FGD5: variants seen among roughly 807,000 people sequenced by gnomAD.
FGD5 encodes the protein FYVE, RhoGEF and PH domain-containing protein 5.
FGD5 carries 28 observed loss-of-function variants against 133.4 expected under a neutral mutation model. The observed-to-expected ratio is 0.21, with a 90% CI of 0.16 to 0.29. The LOEUF (loss-of-function observed/expected upper bound fraction) is 0.29, where lower values mean the gene tolerates loss of function less well. FGD5 is among the 10% of genes least tolerant of loss of function. The probability of loss-of-function intolerance (pLI) is 1.00; values close to 1 mark genes in which losing one functional copy is unlikely to be tolerated. For missense variants in FGD5, 1,858 were observed against 1,895.2 expected, an observed-to-expected ratio of 0.98 and a Z score of 0.36; for synonymous variants, 810 against 776.5, an observed-to-expected ratio of 1.04 and a Z score of -0.72.
At chr3:14,869,594 C>A (rs918880014) in intron 2 of FGD5, among the ~76,000 whole-genome samples, 3 of 152,178 alleles carry the variant, frequency 2.0e-5, no homozygotes, top group Admixed American at 6.5e-5. Context: ...ACACTGACTC[C>A]CCATTCCTCC....
chr3:14,825,880 A>T (rs1362772835), intron 1 of FGD5, among the ~76,000 whole-genome samples: 1 of 152,212 alleles, frequency 6.6e-6, no homozygotes, highest in Non-Finnish European at 1.5e-5. Context: ...AAGCTTAATA[A>T]ATGTATACTG....
At chr3:14,893,593 C>T (rs1470921501) in intron 4 of FGD5, among the ~76,000 whole-genome samples, 7 of 152,110 alleles carry the variant, frequency 4.6e-5, no homozygotes, top group Non-Finnish European at 8.8e-5. Context: ...AGTAGTCCTC[C>T]GGCCTTGGCT....
chr3:14,843,997 CA>C (rs1292241959), intron 1 of FGD5, among the ~76,000 whole-genome samples: 2 of 150,082 alleles, frequency 1.3e-5, no homozygotes, highest in African/African-American at 4.9e-5. Flanking sequence ...GCCCAGCTCC[CA>C]GGGCGCTTTT....
At chr3:14,841,753 T>TG (rs940710103) in intron 1 of FGD5, among the ~76,000 whole-genome samples, 3 of 151,990 alleles carry the variant, frequency 2.0e-5, no homozygotes, top group Non-Finnish European at 2.9e-5. Context: ...ACAGTGTGAG[T>TG]GGGGGGTTCC....
chr3:14,811,842 C>T (rs760240141), intron 1 of FGD5, among the ~76,000 whole-genome samples: 60 of 152,128 alleles, frequency 3.9e-4, no homozygotes, highest in Non-Finnish European at 6.8e-4. Context: ...ATCTGCCTGC[C>T]AAGGAGCAAT....
chr3:14,932,302 C>G (rs1051067912), intron 18 of FGD5: 1 of 283,490 alleles, frequency 3.5e-6, no homozygotes. Context: ...AGGCTGGTCT[C>G]GAACTCCTGA....
chr3:14,812,054 GA>G (rs2036304115), intron 1 of FGD5, among the ~76,000 whole-genome samples: 1 of 143,650 alleles, frequency 7.0e-6, no homozygotes, highest in Non-Finnish European at 1.5e-5. Flanking sequence ...GTGTGTGTAG[GA>G]TTTTTTCTTT....
intron 2 of FGD5, among the ~76,000 whole-genome samples, chr3:14,878,555 A>C (rs6809979): frequency 0.57 from 86,766 of 151,964 alleles, 25,223 homozygotes; most frequent in African/African-American, 0.64. Context: ...CAAGTGTGAG[A>C]GATTCTCTAT....
intron 1 of FGD5, among the ~76,000 whole-genome samples, chr3:14,844,251 TATATATATATATATATATATA>T (rs2036997711): frequency 1.7e-5 from 1 of 58,954 alleles, no homozygotes; most frequent in African/African-American, 7.6e-5. Flanking sequence ...TATATATATA[TATATATATATATATATATATA>T]ATGCAGGTTT....
At chr3:14,854,298 C>T (rs987675982) in intron 1 of FGD5, among the ~76,000 whole-genome samples, 17 of 152,180 alleles carry the variant, frequency 1.1e-4, no homozygotes, top group African/African-American at 4.1e-4. Context: ...GACCATAGTA[C>T]TCCTGTAATG....
chr3:14,896,140 C>T (rs2038133217), intron 4 of FGD5, among the ~76,000 whole-genome samples: 2 of 152,140 alleles, frequency 1.3e-5, no homozygotes, highest in South Asian at 4.1e-4. Context: ...GAAGAGGACA[C>T]AGACAAAAAT....
chr3:14,820,889 C>T lies in FGD5; in HGVS notation c.1818C>T (p.Thr606=), dbSNP rs376310639. The T allele has an allele frequency of 1.9e-6, 3 of 1,613,790 alleles. No individual in the cohort carries two copies. Among genetic ancestry groups the T allele is most frequent in the Non-Finnish European group, 2.5e-6 (3 of 1,179,854 alleles). ...GAAACCACCTTCCGTCCAGCGGCAC[C>T]TCCACGCCTTCTTCCATGGTCGACA... The part of the protein sequence containing the change: ...SQRNHLPSSG[T]STPSSMVDIP... The change falls in exon 1 of 20, where the codon ACC becomes ACT. Residue 606 remains threonine, a synonymous_variant. Transcript: ENST00000285046.
intron 10 of FGD5, among the ~76,000 whole-genome samples, 188 bp downstream of exon 10, chr3:14,907,899 G>T (rs922292140): frequency 5.3e-5 from 8 of 152,296 alleles, no homozygotes; most frequent in South Asian, 4.1e-4. Context: ...CTTCCCTGGG[G>T]TTCTCCACCC....
At chr3:14,861,352 A>C (rs2037393878) in intron 1 of FGD5, among the ~76,000 whole-genome samples, 1 of 152,184 alleles carries the variant, frequency 6.6e-6, no homozygotes, top group East Asian at 1.9e-4. Context: ...ACAAACAGCC[A>C]AGCCAGAATC....
chr3:14,921,987 G>A lies in FGD5; in HGVS notation c.3639G>A (p.Gln1213=). 1 of 1,566,538 alleles carries A rather than the reference G, an allele frequency of 6.4e-7. No homozygotes were observed. The highest frequency in any genetic ancestry group is 8.7e-7 in the Non-Finnish European group (1 of 1,155,554). The change falls in exon 14 of 20, where the codon CAG becomes CAA. Residue 1213 remains glutamine, a synonymous_variant. Transcript: ENST00000285046. ...SRALPEDYKA[Q]ALAAFHHSVE... is the part of the protein sequence containing the mutation. ...CCCTCCCTGAGGACTACAAGGCCCA[G>A]GCGCTGGCTGCATTCCACCATAGCG... is the stretch of plus-strand genomic sequence containing the variant.
intron 2 of FGD5, among the ~76,000 whole-genome samples, chr3:14,878,615 C>T (rs1407054545): frequency 6.6e-6 from 1 of 152,124 alleles, no homozygotes; most frequent in Non-Finnish European, 1.5e-5. Flanking sequence ...GGATACTATT[C>T]TCCTACTGTG....
chr3:14,857,238 C>A (rs192583553), intron 1 of FGD5, among the ~76,000 whole-genome samples: 10 of 151,996 alleles, frequency 6.6e-5, no homozygotes, highest in African/African-American at 1.5e-4. Flanking sequence ...CAGCCTCCAC[C>A]CCCCCAGGCT....
chr3:14,874,055 G>A (rs1292676680), intron 2 of FGD5, among the ~76,000 whole-genome samples: 2 of 152,076 alleles, frequency 1.3e-5, no homozygotes, highest in East Asian at 3.9e-4. Context: ...CCTTCGGTGA[G>A]TGGATAAGGA....
intron 18 of FGD5, chr3:14,931,391 GT>G (rs1179365087): frequency 6.6e-6 from 1 of 152,132 alleles, no homozygotes; most frequent in East Asian, 1.9e-4. Context: ...GTCTCACTAT[GT>G]TGTCCAGGCT....
Sources: gnomAD v4.1 joint callset for allele counts (sites outside exome capture counted in the v4.1 genomes callset) on GRCh38, gnomAD v4.1.1 for gene constraint, MANE v1.5 for transcripts, NCBI Gene and HGNC (gene_info 2026-07-23, HGNC 2026-07-21) for gene names.